The following PIWIL1 variants were observed in gnomAD, a reference collection of about 807,000 sequenced individuals.
PIWIL1 encodes piwi-like protein 1.
In PIWIL1, 73 loss-of-function variants were observed where a neutral mutation model predicts 114.4. The ratio of observed to expected loss-of-function variants is 0.64; its 90% confidence interval spans 0.53 to 0.78. The LOEUF is 0.78. Among genes scored for constraint, PIWIL1 ranks in the 30% least tolerant of loss-of-function variants. The pLI, the probability that PIWIL1 is intolerant of heterozygous loss-of-function variation, is 0.00. For synonymous variants in PIWIL1, 375 were observed against 369.0 expected, an observed-to-expected ratio of 1.02 and a Z score of -0.19; for missense variants, 723 against 1,063.1, an observed-to-expected ratio of 0.68 and a Z score of 4.45.
At chr12:130,342,918 TAAGAC>T in intron 2 of PIWIL1, 67 bp from the exon 3 acceptor site, 1 of 1,074,562 alleles carries the variant, frequency 9.3e-7, no homozygotes, top group South Asian at 1.3e-5. Flanking sequence ...TCCTGAGACT[TAAGAC>T]TAGAAATTTT....
the PIWIL1 span, chr12:130,396,491 T>C: frequency 6.6e-6 from 1 of 152,620 alleles, no homozygotes; most frequent in African/African-American, 2.4e-5. Flanking sequence ...ATGGACTCAT[T>C]TGGAGCAGAT....
At chr12:130,426,191 G>A in the PIWIL1 span, 1 of 152,236 alleles carries the variant, frequency 6.6e-6, no homozygotes, top group African/African-American at 2.4e-5. Context: ...TGCCACGTGA[G>A]AACGTGTGCG....
chr12:130,348,855 G>T (rs1156228574), intron 7 of PIWIL1, among the ~76,000 whole-genome samples: 1 of 152,122 alleles, frequency 6.6e-6, no homozygotes, highest in East Asian at 1.9e-4. Context: ...AGCCGAGATC[G>T]TGCCAACTCC....
the PIWIL1 span, among the ~76,000 whole-genome samples, chr12:130,408,156 G>C: frequency 1.3e-5 from 2 of 152,226 alleles, no homozygotes; most frequent in African/African-American, 2.4e-5. Context: ...GCTTTGGCCA[G>C]CACGGGGAGG....
the PIWIL1 span, among the ~76,000 whole-genome samples, chr12:130,416,482 C>T: frequency 6.6e-6 from 1 of 152,132 alleles, no homozygotes; most frequent in Non-Finnish European, 1.5e-5. Context: ...GAAAGGACTC[C>T]CCATTCAATA....
the PIWIL1 span, chr12:130,412,736 G>A: frequency 5.6e-6 from 9 of 1,613,750 alleles, no homozygotes; most frequent in Admixed American, 6.7e-5. Context: ...AGGCCAAGCC[G>A]GGCACAGGTT....
At position 130,371,599 on chromosome 12, in the gene PIWIL1, C is replaced by G; in HGVS notation, c.*1C>G. ...GTCAAACCGCCTTTACTACCTCTAA[C>G]CTGCAGAAGACGATGCAGCCGCTTT... is the stretch of plus-strand genomic sequence containing the variant. On this transcript the variant is annotated 3_prime_UTR_variant, in exon 21 of 21. Transcript: ENST00000245255. 6.4e-7 allele frequency: 1 copy of G among 1,562,072 alleles called. No homozygotes were observed. Among genetic ancestry groups the G allele is most frequent in the Non-Finnish European group, 8.8e-7 (1 of 1,134,748 alleles).
At chr12:130,358,729 A>T (rs2073431961) in intron 14 of PIWIL1, among the ~76,000 whole-genome samples, 1 of 151,978 alleles carries the variant, frequency 6.6e-6, no homozygotes, top group Non-Finnish European at 1.5e-5. Context: ...GTATGTCTTG[A>T]CTTCACTGTT....
At chr12:130,398,314 C>T in the PIWIL1 span, 10 of 152,430 alleles carry the variant, frequency 6.6e-5, no homozygotes, top group East Asian at 1.9e-3. Flanking sequence ...GGCCCTACCT[C>T]TCCAGAGCAA....
the PIWIL1 span, among the ~76,000 whole-genome samples, chr12:130,400,544 C>T: frequency 3.3e-5 from 5 of 152,178 alleles, no homozygotes; most frequent in Non-Finnish European, 7.3e-5. Flanking sequence ...AACTCATCTG[C>T]CCATAAAGTG....
the PIWIL1 span, among the ~76,000 whole-genome samples, chr12:130,410,786 C>T: frequency 1.3e-5 from 2 of 152,192 alleles, no homozygotes; most frequent in African/African-American, 2.4e-5. Flanking sequence ...TTGCAATTAG[C>T]TTATGTGAAT....
At chr12:130,380,473 CACT>C in the PIWIL1 span, among the ~76,000 whole-genome samples, 1 of 152,280 alleles carries the variant, frequency 6.6e-6, no homozygotes, top group African/African-American at 2.4e-5. Context: ...CCAAGAGGAC[CACT>C]AAGGTGTCGG....
the PIWIL1 span, among the ~76,000 whole-genome samples, chr12:130,421,686 T>A: frequency 7.9e-6 from 1 of 126,980 alleles, no homozygotes. Context: ...TCTCCCTGCA[T>A]TTATATGTGT....
Position 130,372,586 on chromosome 12 carries a change from A to T in PIWIL1, c.*988A>T. 2 of 117,372 alleles carry T rather than the reference A, an allele frequency of 1.7e-5. No individual in the cohort carries two copies. The highest frequency in any genetic ancestry group is 1.1e-4 in the Admixed American group (1 of 9,158). 7.3% of individuals were successfully genotyped at this position (117,372 alleles called of 1,614,324 possible). On this transcript the variant is annotated 3_prime_UTR_variant, in exon 21 of 21. Coordinates refer to ENST00000245255, the MANE Select transcript of PIWIL1 (RefSeq NM_004764.5). Reference sequence around the variant, plus strand: ...GCACTCCAGCCTGGGCAACAGAGTGAGACTCCGTCTCAAAAAAAAAAAAAA... The same window carrying T: ...GCACTCCAGCCTGGGCAACAGAGTGTGACTCCGTCTCAAAAAAAAAAAAAA...
At chr12:130,355,462 G>T in intron 11 of PIWIL1, 91 bp from the exon 12 acceptor site, 1 of 947,550 alleles carries the variant, frequency 1.1e-6, no homozygotes, top group Admixed American at 1.7e-5. Flanking sequence ...CGACATTGGA[G>T]TGTGTTGTAG....
Position 130,349,985 on chromosome 12 carries a change from A to T in PIWIL1, c.1044+18A>T. 7.3e-7 allele frequency: 1 copy of T among 1,365,960 alleles called. No individual in the cohort carries two copies. The highest frequency in any genetic ancestry group is 1.5e-5 in the African/African-American group (1 of 68,900). 84.6% of individuals were successfully genotyped at this position (1,365,960 alleles called of 1,614,324 possible). On this transcript the variant is annotated intron_variant, in intron 9 of 20. Coordinates refer to ENST00000245255, the MANE Select transcript of PIWIL1 (RefSeq NM_004764.5). ...ACAGGAAGGTAAGATGCCAGTGGTT[A>T]GATCTCAGGAGAAATCCAAAATATC... is the stretch of plus-strand genomic sequence containing the variant.
At chr12:130,367,863 T>TTCCC (rs1312134355) in intron 19 of PIWIL1, among the ~76,000 whole-genome samples, 1 of 152,194 alleles carries the variant, frequency 6.6e-6, no homozygotes, top group Non-Finnish European at 1.5e-5. Context: ...AGTAGCATAA[T>TTCCC]CTCGGCTCGC....
At chr12:130,363,209 G>C in intron 18 of PIWIL1, 65 bp downstream of exon 18, 1 of 1,487,746 alleles carries the variant, frequency 6.7e-7, no homozygotes, top group Non-Finnish European at 9.3e-7. Context: ...TTTGAAATTA[G>C]CATCACAAGA....
At chr12:130,348,849 G>A (rs1018672502) in intron 7 of PIWIL1, among the ~76,000 whole-genome samples, 2 of 152,094 alleles carry the variant, frequency 1.3e-5, no homozygotes, top group Admixed American at 6.5e-5. Context: ...GCAGTGAGCC[G>A]AGATCGTGCC....
Sources: gnomAD v4.1 joint callset for allele counts (sites outside exome capture counted in the v4.1 genomes callset) on GRCh38, gnomAD v4.1.1 for gene constraint, MANE v1.5 for transcripts, NCBI Gene and HGNC (gene_info 2026-07-23, HGNC 2026-07-21) for gene names.